Variants in NVL observed in about 807,000 individuals in gnomAD.
NVL encodes nuclear valosin-containing protein-like.
A neutral mutation model predicts 110.2 loss-of-function variants in NVL; 84 were observed. The observed-to-expected ratio is 0.76, with a 90% confidence interval of 0.64 to 0.91. The LOEUF (loss-of-function observed/expected upper bound fraction) is 0.91. Among genes scored for constraint, NVL ranks in the 40% least tolerant of loss-of-function variants. The probability of loss-of-function intolerance (pLI) is 0.00; values close to 1 mark genes in which losing one functional copy is unlikely to be tolerated. For missense variants in NVL, 882 were observed against 1,035.9 expected (o/e 0.85, Z 2.04); for synonymous variants, 354 against 361.1 (o/e 0.98, Z 0.22).
Position 224,280,092 on chromosome 1 carries a change from CT to C in NVL, c.1962+1030del, listed in dbSNP as rs545728754. On this transcript the variant is annotated intron_variant, in intron 16 of 22. Transcript: ENST00000281701. ...GGAACTAATAAGCACCAAATTCAGC[CT>C]TGTGGTAAGTTCCATGGGAAAGAGA... 4.3e-4 allele frequency among the ~76,000 whole-genome samples: 65 copies of C among 151,136 alleles called. 1 individual carries two copies. The highest frequency in any genetic ancestry group is 4.3e-3 in the Admixed American group (65 of 15,182).
chr1:224,281,184 G>A lies in NVL; in HGVS notation c.1901C>T (p.Ala634Val). 1 of 1,613,204 alleles carries A rather than the reference G, an allele frequency of 6.2e-7. No homozygotes were observed. Among genetic ancestry groups the A allele is most frequent in the Non-Finnish European group, 8.5e-7 (1 of 1,179,476 alleles). ...PGCGKTLLAK[A>V]VANESGLNFI... is the part of the protein sequence containing the mutation. ...ATTTAGTCCGGACTCATTTGCAACAGCCTAGCAAGAGGAAACAAAAAGACA... is the reference window on the plus strand; with the variant it reads ...ATTTAGTCCGGACTCATTTGCAACAACCTAGCAAGAGGAAACAAAAAGACA... Residue 634 changes from alanine to valine, a missense_variant and splice_region_variant, in exon 16 of 23, where the codon GCT becomes GTT. Ala to Val is a moderately conservative substitution (Grantham distance 64). Around this residue, in one of 4 missense-constraint regions of NVL, gnomAD observed 416 missense variants for 499.3 expected, o/e 0.83. Coordinates refer to ENST00000281701, the MANE Select transcript of NVL (RefSeq NM_002533.4).
chr1:224,321,528 C>A (rs1470105845), intron 2 of NVL, among the ~76,000 whole-genome samples: 2 of 152,012 alleles, frequency 1.3e-5, no homozygotes, highest in African/African-American at 4.8e-5. Flanking sequence ...ACCAGACTGG[C>A]CAACATGGCG....
intron 4 of NVL, among the ~76,000 whole-genome samples, chr1:224,314,794 T>C (rs867925057): frequency 1.4e-4 from 21 of 152,116 alleles, no homozygotes; most frequent in African/African-American, 3.4e-4. Context: ...CAATATGACA[T>C]ACAGATGCAA....
At chr1:224,312,052 T>C in intron 4 of NVL, 195 bp from the exon 5 acceptor site, 1 of 498,536 alleles carries the variant, frequency 2.0e-6, no homozygotes, top group Non-Finnish European at 3.5e-6. Context: ...TCAGCTTCCT[T>C]ATCTATAAAA....
intron 8 of NVL, 41 bp downstream of exon 8, chr1:224,304,695 T>C (rs755442059): frequency 6.8e-7 from 1 of 1,466,884 alleles, no homozygotes; most frequent in East Asian, 2.3e-5. Flanking sequence ...AACTGATTAG[T>C]AATATATCCA....
chr1:224,266,507 G>T (rs531812468), intron 18 of NVL, among the ~76,000 whole-genome samples: 253 of 152,248 alleles, frequency 1.7e-3, no homozygotes, highest in Non-Finnish European at 2.6e-3. Context: ...CAGCAAGAAG[G>T]CCCTTGACAG....
intron 18 of NVL, among the ~76,000 whole-genome samples, chr1:224,258,656 C>CT (rs1663572378): frequency 6.6e-6 from 1 of 152,090 alleles, no homozygotes. Context: ...AGATGTCCAA[C>CT]TGGTGAATAC....
In NVL at chr1:224,300,625, C is replaced by T; in HGVS notation, c.999G>A (p.Glu333=). 1 of 1,613,908 alleles carries T rather than the reference C, an allele frequency of 6.2e-7. No homozygotes were observed. Among genetic ancestry groups the T allele is most frequent in the Non-Finnish European group, 8.5e-7 (1 of 1,179,904 alleles). ...DLPILKVAAP[E]IVSGVSGESE... Reference sequence around the variant, plus strand: ...ACTCTCCGGATACTCCAGACACAATCTCTGGAGCAGCCACTTTCAAAATTG... The same window carrying T: ...ACTCTCCGGATACTCCAGACACAATTTCTGGAGCAGCCACTTTCAAAATTG... Residue 333 remains glutamate (E), a synonymous_variant, in exon 10 of 23, where the codon GAG becomes GAA. Transcript: ENST00000281701.
At chr1:224,275,210 T>C in intron 17 of NVL, 129 bp downstream of exon 17, 2 of 1,042,720 alleles carry the variant, frequency 1.9e-6, no homozygotes, top group Non-Finnish European at 2.8e-6. Context: ...TGATTTCAAA[T>C]TACTAAGTGT....
intron 8 of NVL, among the ~76,000 whole-genome samples, chr1:224,304,198 G>A (rs541408533): frequency 6.6e-6 from 1 of 152,268 alleles, no homozygotes; most frequent in African/African-American, 2.4e-5. Context: ...AGGCTGAGGT[G>A]GGCAGATCAC....
rs760700957 is a variant in NVL at position 224,287,978 on chromosome 1, G to A, written c.1591C>T (p.Leu531=). 1.2e-6 allele frequency: 2 copies of A among 1,612,822 alleles called. No homozygotes were observed. The highest frequency in any genetic ancestry group is 2.2e-5 in the South Asian group (2 of 91,032). ...TCTTGGTCTCTTAGCAACCCCAGCA[G>A]CCTTTGTAATTCATCCTTGAAGGGA... ...TSETQDELQR[L]LGLLRDQDPL... The change falls in exon 14 of 23, where the codon CTG becomes TTG. Residue 531 remains leucine, a synonymous_variant. Coordinates refer to ENST00000281701, the MANE Select transcript of NVL (RefSeq NM_002533.4).
At chr1:224,276,752 A>T (rs1571918446) in intron 16 of NVL, among the ~76,000 whole-genome samples, 1 of 152,068 alleles carries the variant, frequency 6.6e-6, no homozygotes, top group Admixed American at 6.6e-5. Context: ...CTACCTCCAA[A>T]CATTTCTTCT....
intron 17 of NVL, among the ~76,000 whole-genome samples, chr1:224,271,005 TCA>T (rs1665038532): frequency 6.6e-6 from 1 of 152,176 alleles, no homozygotes; most frequent in South Asian, 2.1e-4. Context: ...AAAATCTATC[TCA>T]TATAGTCCCA....
Position 224,308,228 on chromosome 1 carries a change from T to A in NVL, c.378A>T (p.Leu126Phe), listed in dbSNP as rs1558341628. 22 of 1,612,398 alleles carry A rather than the reference T, an allele frequency of 1.4e-5. No individual in the cohort carries two copies. The highest frequency in any genetic ancestry group is 1.8e-5 in the Non-Finnish European group (21 of 1,179,558). The stretch of plus-strand genomic sequence containing the variant: ...CAGAATCAGGATTTCCTTTCCGATA[T>A]AAAGACAGCAGGGAACTGTTCATGT... Reference protein sequence around the residue: ...ANHMNSSLLSLYRKGNPDSVS... With the variant: ...ANHMNSSLLSFYRKGNPDSVS... Residue 126 changes from leucine to phenylalanine, a missense_variant, in exon 6 of 23, where the codon TTA (leucine) becomes TTT (phenylalanine). Leu to Phe is a conservative substitution (Grantham distance 22, BLOSUM62 0). Coordinates refer to ENST00000281701, the MANE Select transcript of NVL (RefSeq NM_002533.4).
At chr1:224,240,574 T>C (rs1254807687) in intron 19 of NVL, among the ~76,000 whole-genome samples, 4 of 152,146 alleles carry the variant, frequency 2.6e-5, no homozygotes, top group African/African-American at 9.7e-5. Flanking sequence ...TCTTAGCATA[T>C]CCTTTGTTTA....
chr1:224,244,331 T>A (rs981074507), intron 19 of NVL, among the ~76,000 whole-genome samples: 6 of 151,722 alleles, frequency 4.0e-5, no homozygotes, highest in East Asian at 3.9e-4. Context: ...CGCACCATTG[T>A]ACTCCAGCCT....
At chr1:224,328,511 G>A (rs939414597) in intron 1 of NVL, among the ~76,000 whole-genome samples, 1 of 152,108 alleles carries the variant, frequency 6.6e-6, no homozygotes, top group African/African-American at 2.4e-5. Flanking sequence ...GCTCTGTGGG[G>A]AATAGGCTTT....
chr1:224,235,770 A>T (rs889700675), intron 20 of NVL, among the ~76,000 whole-genome samples: 3 of 152,068 alleles, frequency 2.0e-5, no homozygotes, highest in Non-Finnish European at 4.4e-5. Flanking sequence ...AACTACAAAA[A>T]TTTTTTAAAA....
chr1:224,293,479 T>C (rs1275696049), intron 12 of NVL, among the ~76,000 whole-genome samples: 2 of 152,350 alleles, frequency 1.3e-5, no homozygotes, highest in African/African-American at 2.4e-5. Flanking sequence ...ATTTGCTCTA[T>C]GGACATTACT....
Sources: allele counts gnomAD v4.1 joint callset (sites outside exome capture counted in the v4.1 genomes callset), GRCh38; gene constraint gnomAD v4.1.1; regional missense constraint gnomAD v4.1.1; transcripts MANE v1.5; gene names NCBI Gene and HGNC (gene_info 2026-07-23, HGNC 2026-07-21).